The following SEMA5A variants were observed in gnomAD, a reference collection of about 807,000 sequenced individuals.
SEMA5A encodes semaphorin-5A.
A neutral mutation model predicts 135.5 loss-of-function variants in SEMA5A; 55 were observed. The ratio of observed to expected loss-of-function variants is 0.41; its 90% CI spans 0.33 to 0.51. The LOEUF is 0.51. SEMA5A is among the 20% of genes least tolerant of loss of function. SEMA5A has a pLI of 0.37. For missense variants in SEMA5A, 1,290 were observed against 1,419.9 expected (o/e 0.91, Z 1.47); for synonymous variants, 580 against 546.5 (o/e 1.06, Z -0.85).
chr5:9,531,494 A>G (rs940695104), intron 1 of SEMA5A, among the ~76,000 whole-genome samples: 2 of 152,060 alleles, frequency 1.3e-5, no homozygotes, highest in African/African-American at 4.8e-5. Context: ...CAAGTGAGGA[A>G]GCTCCCTCAG....
In SEMA5A at chr5:9,493,301, A is replaced by C. The variant is rs538460215; in HGVS notation, c.-175+52283T>G. Among the ~76,000 whole-genome samples the C allele has an allele frequency of 1.1e-3, 159 of 150,738 alleles. 1 individual carries two copies. Among genetic ancestry groups the C allele is most frequent in the African/African-American group, 3.2e-3 (133 of 41,216 alleles). On this transcript the variant is annotated intron_variant, in intron 1 of 22. Coordinates refer to ENST00000382496, the MANE Select transcript of SEMA5A (RefSeq NM_003966.3). ...TAGCAGCATCTATCTATCTATCTAT[A>C]TATATAAAACATTATATATATATAA...
chr5:9,142,004 A>G (rs1742089494), intron 12 of SEMA5A, among the ~76,000 whole-genome samples: 1 of 152,246 alleles, frequency 6.6e-6, no homozygotes, highest in African/African-American at 2.4e-5. Flanking sequence ...TCAATTCAGC[A>G]CATACTTACG....
At chr5:9,331,841 T>C (rs1443300142) in intron 4 of SEMA5A, among the ~76,000 whole-genome samples, 2 of 152,264 alleles carry the variant, frequency 1.3e-5, no homozygotes. Context: ...AGTTAATCTT[T>C]CCTTTTTTAT....
In SEMA5A at chr5:9,251,973, C is replaced by T. The variant is rs192908107; in HGVS notation, c.271-14083G>A. ...GATTACTGAGCTTTTAAATGGATGG[C>T]CTGGGATTATGAAGTCAGGCCACCC... On this transcript the variant is annotated intron_variant, in intron 5 of 22. Coordinates refer to ENST00000382496, the MANE Select transcript of SEMA5A (RefSeq NM_003966.3). 9.7e-4 allele frequency among the ~76,000 whole-genome samples: 148 copies of T among 152,212 alleles called. 1 individual carries two copies. Among genetic ancestry groups the T allele is most frequent in the African/African-American group, 3.3e-3 (135 of 41,534 alleles).
rs146969470 is a variant in SEMA5A at position 9,108,652 on chromosome 5, A to G, written c.1926-365T>C. On this transcript the variant is annotated intron_variant, in intron 15 of 22. Coordinates refer to ENST00000382496, the MANE Select transcript of SEMA5A (RefSeq NM_003966.3). ...TTTATCTTGTGAACATAAACATTGA[A>G]AGATAAAGCAGATTACAGATACAAA... is the stretch of plus-strand genomic sequence containing the variant. Among the ~76,000 whole-genome samples, 140 of 152,334 alleles carry G rather than the reference A, an allele frequency of 9.2e-4. 2 individuals are homozygous for G. Among genetic ancestry groups the G allele is most frequent in the African/African-American group, 3.0e-3 (124 of 41,578 alleles).
intron 11 of SEMA5A, among the ~76,000 whole-genome samples, chr5:9,178,591 A>C (rs1219361632): frequency 6.6e-6 from 1 of 152,092 alleles, no homozygotes; most frequent in Non-Finnish European, 1.5e-5. Context: ...CGGCCTCCTA[A>C]GTGCTGGGAT....
intron 13 of SEMA5A, among the ~76,000 whole-genome samples, chr5:9,131,066 C>T (rs1159941195): frequency 6.6e-6 from 1 of 152,124 alleles, no homozygotes; most frequent in Non-Finnish European, 1.5e-5. Context: ...TGTTTATTTG[C>T]TCCTTGTATT....
At chr5:9,117,498 C>A (rs1740581711) in intron 15 of SEMA5A, among the ~76,000 whole-genome samples, 1 of 152,144 alleles carries the variant, frequency 6.6e-6, no homozygotes. Flanking sequence ...AGTCTAAATA[C>A]AAAATTCATT....
intron 5 of SEMA5A, among the ~76,000 whole-genome samples, chr5:9,275,203 C>A (rs1376585115): frequency 6.6e-6 from 1 of 151,920 alleles, no homozygotes; most frequent in Non-Finnish European, 1.5e-5. Context: ...ATTATAATCA[C>A]CTCTACTCAA....
intron 11 of SEMA5A, among the ~76,000 whole-genome samples, chr5:9,168,389 C>A (rs765531073): frequency 6.6e-6 from 1 of 152,142 alleles, no homozygotes; most frequent in Non-Finnish European, 1.5e-5. Context: ...TCACCAGATG[C>A]CAACAGTGAG....
chr5:9,248,668 C>T (rs1370539625), intron 5 of SEMA5A, among the ~76,000 whole-genome samples: 1 of 151,976 alleles, frequency 6.6e-6, no homozygotes, highest in Non-Finnish European at 1.5e-5. Flanking sequence ...AAAACATTCT[C>T]ATATGAAGCA....
intron 16 of SEMA5A, among the ~76,000 whole-genome samples, chr5:9,070,061 T>G (rs1430984940): frequency 6.6e-6 from 1 of 152,128 alleles, no homozygotes; most frequent in Non-Finnish European, 1.5e-5. Flanking sequence ...AGTTCCTTGC[T>G]GAAATGGGCT....
At position 9,196,508 on chromosome 5, in the gene SEMA5A, G is replaced by A. The variant is rs570342567; in HGVS notation, c.1068+660C>T. Among the ~76,000 whole-genome samples the A allele has an allele frequency of 5.3e-5, 8 of 152,286 alleles. No homozygotes were observed. The East Asian group carries it at 5.8e-4, about 11-fold the overall frequency. ...TGCCTCTTTTTTAAGCTACCCAGTC[G>A]GTGGTGTTTTCTTACGGTAGTCCAA... On this transcript the variant is annotated intron_variant, in intron 10 of 22. Transcript: ENST00000382496.
At chr5:9,061,817 CT>C (rs1737198718) in intron 18 of SEMA5A, among the ~76,000 whole-genome samples, 1 of 152,136 alleles carries the variant, frequency 6.6e-6, no homozygotes, top group Non-Finnish European at 1.5e-5. Flanking sequence ...GAGTTTGCGT[CT>C]TTGGAGGACT....
intron 21 of SEMA5A, among the ~76,000 whole-genome samples, chr5:9,047,609 C>A (rs1736340683): frequency 6.6e-6 from 1 of 152,042 alleles, no homozygotes; most frequent in South Asian, 2.1e-4. Flanking sequence ...GTTCAATTGG[C>A]TAATAATTTC....
intron 6 of SEMA5A, among the ~76,000 whole-genome samples, chr5:9,234,260 T>C (rs1458954932): frequency 3.3e-5 from 5 of 152,190 alleles, no homozygotes; most frequent in East Asian, 1.9e-4. Context: ...CTGCATTTGG[T>C]CCAGTTGCCC....
chr5:9,484,796 G>A (rs531448375), intron 1 of SEMA5A, among the ~76,000 whole-genome samples: 1 of 152,192 alleles, frequency 6.6e-6, no homozygotes, highest in Admixed American at 6.5e-5. Context: ...CACAGCACTG[G>A]GGTTCTATGG....
At chr5:9,252,493 C>T (rs951281004) in intron 5 of SEMA5A, among the ~76,000 whole-genome samples, 1 of 152,138 alleles carries the variant, frequency 6.6e-6, no homozygotes, top group South Asian at 2.1e-4. Flanking sequence ...TAACCTGACA[C>T]ATTATATGTG....
intron 2 of SEMA5A, among the ~76,000 whole-genome samples, chr5:9,385,743 A>G (rs1312052674): frequency 4.0e-5 from 6 of 151,546 alleles, no homozygotes; most frequent in African/African-American, 1.5e-4. Flanking sequence ...GATTGTCATA[A>G]TGTAAAAAAA....
Sources: gnomAD v4.1 joint callset for allele counts (sites outside exome capture counted in the v4.1 genomes callset) on GRCh38, gnomAD v4.1.1 for gene constraint, MANE v1.5 for transcripts, NCBI Gene and HGNC (gene_info 2026-07-23, HGNC 2026-07-21) for gene names.